Variants in CACNA1C observed in about 807,000 individuals in gnomAD.
CACNA1C encodes calcium voltage-gated channel subunit alpha1 C.
In CACNA1C, 30 loss-of-function variants were observed where a neutral mutation model predicts 229.0. The observed-to-expected ratio is 0.13, with a 90% confidence interval of 0.10 to 0.18. The LOEUF (loss-of-function observed/expected upper bound fraction) is 0.18. Among genes scored for constraint, CACNA1C ranks in the 10% least tolerant of loss-of-function variants. The pLI is 1.00. For missense variants in CACNA1C, 1,658 were observed against 2,845.0 expected (o/e 0.58, Z 9.49); for synonymous variants, 1,114 against 1,132.5 (o/e 0.98, Z 0.33).
intron 6 of CACNA1C, among the ~76,000 whole-genome samples, chr12:2,490,481 T>G (rs2099718286): frequency 1.3e-5 from 2 of 152,246 alleles, no homozygotes; most frequent in African/African-American, 4.8e-5. Context: ...TCACCCTTTC[T>G]CTTTGTCCCG....
At chr12:2,638,574 G>A (rs2093204560) in intron 30 of CACNA1C, among the ~76,000 whole-genome samples, 1 of 152,216 alleles carries the variant, frequency 6.6e-6, no homozygotes, top group Non-Finnish European at 1.5e-5. Flanking sequence ...GGTGGAATCT[G>A]GAAGATCATT....
chr12:1,991,359 A>C, intron 1 of CACNA1C: 2 of 412,516 alleles, frequency 4.8e-6, no homozygotes, highest in Non-Finnish European at 9.7e-6. Flanking sequence ...ATGAAAAACA[A>C]ATTAAAATAG....
At chr12:2,162,952 G>A (rs2095974470) in intron 3 of CACNA1C, among the ~76,000 whole-genome samples, 1 of 152,036 alleles carries the variant, frequency 6.6e-6, no homozygotes, top group South Asian at 2.1e-4. Flanking sequence ...GAAAACCCAC[G>A]GATATGCCTT....
intron 7 of CACNA1C, among the ~76,000 whole-genome samples, chr12:2,498,289 G>A (rs932971281): frequency 6.6e-6 from 1 of 152,184 alleles, no homozygotes; most frequent in African/African-American, 2.4e-5. Flanking sequence ...TCGGAGTAGA[G>A]ACCGTGTTAG....
At chr12:2,165,292 A>T (rs115954976) in intron 3 of CACNA1C, among the ~76,000 whole-genome samples, 29 of 152,366 alleles carry the variant, frequency 1.9e-4, no homozygotes, top group African/African-American at 7.0e-4. Context: ...TTTTAACAAG[A>T]CACTTCATTC....
chr12:2,028,497 A>G (rs375187298), intron 1 of CACNA1C, among the ~76,000 whole-genome samples: 24 of 152,292 alleles, frequency 1.6e-4, no homozygotes, highest in African/African-American at 5.5e-4. Flanking sequence ...TATCAGTCCA[A>G]TGTTCTTTTA....
At chr12:2,436,934 G>C (rs898878414) in intron 3 of CACNA1C, among the ~76,000 whole-genome samples, 1 of 152,156 alleles carries the variant, frequency 6.6e-6, no homozygotes, top group South Asian at 2.1e-4. Flanking sequence ...TCATCAATTA[G>C]CTGTCCTCAT....
chr12:2,426,584 A>C (rs1490481552), intron 3 of CACNA1C, among the ~76,000 whole-genome samples: 1 of 152,250 alleles, frequency 6.6e-6, no homozygotes, highest in Non-Finnish European at 1.5e-5. Flanking sequence ...CTGCGTAACA[A>C]ACTACCCGGA....
intron 3 of CACNA1C, among the ~76,000 whole-genome samples, chr12:2,126,163 G>A (rs2089957252): frequency 6.6e-6 from 1 of 151,930 alleles, no homozygotes; most frequent in African/African-American, 2.4e-5. Context: ...TTAAATAAAA[G>A]TCTGTTTGTT....
In CACNA1C at chr12:2,053,964, C is replaced by T. The variant is rs1488822625; in HGVS notation, c.49+353C>T. ...GAGCCCGGCTGCCTGGCCAGCCGCGCGGGGGGCAGAGGGCGCCGGCGCCGC... is the reference window on the plus strand; with the variant it reads ...GAGCCCGGCTGCCTGGCCAGCCGCGTGGGGGGCAGAGGGCGCCGGCGCCGC... On this transcript the variant is annotated intron_variant, in intron 1 of 46. Coordinates refer to ENST00000399655, the MANE Select transcript of CACNA1C (RefSeq NM_000719.7). This position sits in a 1 kb window ranked among gnomAD's most constrained non-coding sequence, Gnocchi z 5.8. Among the ~76,000 whole-genome samples the T allele has an allele frequency of 6.7e-6, 1 of 149,234 alleles. No homozygotes were observed. Among genetic ancestry groups the T allele is most frequent in the East Asian group, 1.9e-4 (1 of 5,136 alleles).
At position 2,403,185 on chromosome 12, in the gene CACNA1C, T is replaced by G. The variant is rs2098698726; in HGVS notation, c.478-45791T>G. Among the ~76,000 whole-genome samples, 1 of 152,222 alleles carries G rather than the reference T, an allele frequency of 6.6e-6. No homozygotes were observed. The highest frequency in any genetic ancestry group is 2.4e-5 in the African/African-American group (1 of 41,446). On this transcript the variant is annotated intron_variant, in intron 3 of 46. Transcript: ENST00000399655. The surrounding 1 kb of genome is among the most constrained non-coding windows in gnomAD (Gnocchi z 4.1). ...GGAGGTCAACCTGCTTTTAACAGCC[T>G]TCATTCTTTTCCAACTAGTGTCTCG...
At chr12:2,276,769 G>T (rs2088325135) in intron 3 of CACNA1C, among the ~76,000 whole-genome samples, 1 of 152,156 alleles carries the variant, frequency 6.6e-6, no homozygotes, top group Non-Finnish European at 1.5e-5. Context: ...CTATGGAAAT[G>T]CTTGAAACAT....
chr12:2,383,296 G>T (rs769081896), intron 3 of CACNA1C, among the ~76,000 whole-genome samples: 4 of 152,156 alleles, frequency 2.6e-5, no homozygotes, highest in Admixed American at 2.6e-4. Context: ...GGGTTGTCTC[G>T]TGGCGATGCT....
chr12:2,422,216 A>G (rs569816419), intron 3 of CACNA1C, among the ~76,000 whole-genome samples: 28 of 152,200 alleles, frequency 1.8e-4, no homozygotes, highest in Non-Finnish European at 3.4e-4. Context: ...CAATTATTCA[A>G]TATAGGAGGA....
At chr12:2,227,116 CTTTTTAG>C (rs1380526696) in intron 3 of CACNA1C, among the ~76,000 whole-genome samples, 1 of 152,218 alleles carries the variant, frequency 6.6e-6, no homozygotes, top group Non-Finnish European at 1.5e-5. Flanking sequence ...CTGCCCTCCC[CTTTTTAG>C]CTATTCCCCT....
At chr12:2,273,162 T>C (rs2085903847) in intron 3 of CACNA1C, among the ~76,000 whole-genome samples, 1 of 152,208 alleles carries the variant, frequency 6.6e-6, no homozygotes, top group Non-Finnish European at 1.5e-5. Context: ...ATAAAATGCA[T>C]AGTGTTTTCA....
At chr12:2,121,500 T>TA (rs1378320969) in intron 3 of CACNA1C, among the ~76,000 whole-genome samples, 1 of 152,224 alleles carries the variant, frequency 6.6e-6, no homozygotes, top group Non-Finnish European at 1.5e-5. Context: ...CGCTGATGCA[T>TA]AGCAGGTAAG....
intron 3 of CACNA1C, among the ~76,000 whole-genome samples, chr12:2,156,711 G>A (rs536739033): frequency 2.4e-4 from 36 of 152,274 alleles, no homozygotes; most frequent in African/African-American, 7.7e-4. Context: ...GACTCATGAG[G>A]GTCAGATGCA....
At chr12:2,109,058 G>A (rs534196442) in intron 1 of CACNA1C, among the ~76,000 whole-genome samples, 2 of 152,360 alleles carry the variant, frequency 1.3e-5, no homozygotes, top group African/African-American at 4.8e-5. Flanking sequence ...CCCTTTCTAG[G>A]TGTGAGCTGC....
Sources: allele counts gnomAD v4.1 joint callset (sites outside exome capture counted in the v4.1 genomes callset), GRCh38; gene constraint gnomAD v4.1.1; non-coding constraint Gnocchi (gnomAD v3.1); transcripts MANE v1.5; gene names NCBI Gene and HGNC (gene_info 2026-07-23, HGNC 2026-07-21).